ZSCAN18: variants seen among roughly 807,000 people sequenced by gnomAD.
ZSCAN18 encodes the protein zinc finger and SCAN domain containing 18, also known as zinc finger and SCAN domain-containing protein 18.
A neutral mutation model predicts 31.1 loss-of-function variants in ZSCAN18; 16 were observed. The ratio of observed to expected loss-of-function variants is 0.51; its 90% confidence interval spans 0.35 to 0.78. ZSCAN18 has a LOEUF of 0.78. ZSCAN18 is among the 30% of genes least tolerant of loss of function. The pLI is 0.01. For missense variants in ZSCAN18, 731 were observed against 697.4 expected, an observed-to-expected ratio of 1.05 and a Z score of -0.54; for synonymous variants, 375 against 320.7, an observed-to-expected ratio of 1.17 and a Z score of -1.81.
chr19:58,093,825 G>A (rs1445137419), intron 1 of ZSCAN18, among the ~76,000 whole-genome samples: 1 of 152,002 alleles, frequency 6.6e-6, no homozygotes, highest in Non-Finnish European at 1.5e-5. Flanking sequence ...GAGTGCTGTG[G>A]CACAATGTCA....
chr19:58,109,068 G>A, intron 1 of ZSCAN18: 1 of 1,225,778 alleles, frequency 8.2e-7, no homozygotes, highest in Non-Finnish European at 1.0e-6. Flanking sequence ...CAATGGTCAT[G>A]GTGACCACAG....
chr19:58,115,502 T>C (rs1255975331), intron 1 of ZSCAN18, among the ~76,000 whole-genome samples: 3 of 152,198 alleles, frequency 2.0e-5, no homozygotes. Context: ...CAGAGAATCA[T>C]TTTGAAACAG....
At chr19:58,091,734 T>G (rs2074414888) in intron 1 of ZSCAN18, among the ~76,000 whole-genome samples, 1 of 152,150 alleles carries the variant, frequency 6.6e-6, no homozygotes, top group African/African-American at 2.4e-5. Context: ...GTCACAGCTG[T>G]CCAGGCCTCC....
chr19:58,085,586 G>GA, intron 6 of ZSCAN18: 1 of 542,892 alleles, frequency 1.8e-6, no homozygotes, highest in Non-Finnish European at 3.2e-6. Flanking sequence ...GTGGGACCTG[G>GA]AGGCCTCCAA....
chr19:58,104,725 TAAAATAAAATAAAATAAAATAA>T (rs150021922), intron 1 of ZSCAN18, among the ~76,000 whole-genome samples: 40,037 of 151,064 alleles, frequency 0.27, 5,847 homozygotes, highest in African/African-American at 0.37. Flanking sequence ...TAAAATAAAA[TAAAATAAAATAAAATAAAATAA>T]AAAAGTCTGA....
rs778994463 is a variant in ZSCAN18 at position 58,090,345 on chromosome 19, C to G, written c.-78G>C. On this transcript the variant is annotated 5_prime_UTR_variant, in exon 2 of 7. Transcript: ENST00000601144. The surrounding 1 kb of genome is among the most constrained non-coding windows in gnomAD (Gnocchi z 4.7). Reference sequence around the variant, plus strand: ...TCCAAAGGAGAGGTGCCAGGGATGACCAGATGCCCAGTGGGCTCAGGTGGT... The same window carrying G: ...TCCAAAGGAGAGGTGCCAGGGATGAGCAGATGCCCAGTGGGCTCAGGTGGT... The G allele has an allele frequency of 6.2e-7, 1 of 1,603,304 alleles. No individual in the cohort carries two copies. Among genetic ancestry groups the G allele is most frequent in the Non-Finnish European group, 8.5e-7 (1 of 1,173,582 alleles).
upstream of ZSCAN18, among the ~76,000 whole-genome samples, chr19:58,098,564 G>A (rs566134606): frequency 1.3e-5 from 2 of 152,298 alleles, no homozygotes; most frequent in East Asian, 3.9e-4. Flanking sequence ...ACAGACGCTC[G>A]GGGGCAGACC....
chr19:58,100,694 T>TCAGGAGTTCAAGACCAGCCTGGC (rs71188076), upstream of ZSCAN18, among the ~76,000 whole-genome samples: 81,983 of 148,030 alleles, frequency 0.55, 24,799 homozygotes, highest in Non-Finnish European at 0.68. Context: ...GATCACGAGG[T>TCAGGAGTTCAAGACCAGCCTGGC]CAACATGGTG....
chr19:58,102,128 C>T (rs952114298), upstream of ZSCAN18, among the ~76,000 whole-genome samples: 3 of 152,018 alleles, frequency 2.0e-5, no homozygotes, highest in South Asian at 2.1e-4. Flanking sequence ...TCCATAAGGA[C>T]GGTGACTTTT....
At chr19:58,087,209 C>A (rs2074298912) in intron 4 of ZSCAN18, 107 bp downstream of exon 4, 30 of 1,264,224 alleles carry the variant, frequency 2.4e-5, no homozygotes, top group Non-Finnish European at 3.2e-5. Context: ...GGCCTCAGCG[C>A]TGTGGACGTT....
intron 3 of ZSCAN18, 96 bp from the exon 4 acceptor site, chr19:58,087,500 C>T (rs773756491): frequency 9.3e-7 from 1 of 1,078,250 alleles, no homozygotes; most frequent in Non-Finnish European, 1.3e-6. Context: ...ACACAGGCCC[C>T]AGTGTGCTTC....
upstream of ZSCAN18, among the ~76,000 whole-genome samples, chr19:58,100,425 A>T (rs975315721): frequency 6.6e-6 from 1 of 152,176 alleles, no homozygotes; most frequent in African/African-American, 2.4e-5. Context: ...ATCGTGGGGC[A>T]GAGAGAGGGT....
In ZSCAN18 at chr19:58,087,642, T is replaced by G. The variant is rs2074310155; in HGVS notation, c.554-238A>C. The stretch of plus-strand genomic sequence containing the variant: ...CCACTGGATTCATGGAAATCTTTTT[T>G]TTTTTTGGTTTGTTTGTTTTTTAAA... On this transcript the variant is annotated intron_variant, in intron 3 of 6. Coordinates refer to ENST00000601144, the MANE Select transcript of ZSCAN18 (RefSeq NM_001145543.2). 1.6e-5 allele frequency: 8 copies of G among 501,810 alleles called. 1 individual carries two copies. In the South Asian group the frequency reaches 2.0e-4, roughly 13 times the overall value. The allele number at this position is 501,810 out of a possible 1,614,324, so 31.1% of individuals were successfully genotyped here.
At chr19:58,086,292 A>C (rs757996753) in intron 5 of ZSCAN18, 26 bp from the exon 6 acceptor site, 1 of 1,607,296 alleles carries the variant, frequency 6.2e-7, no homozygotes, top group Non-Finnish European at 8.5e-7. Context: ...AACCAAAGAA[A>C]TAAAAGGCAT....
At chr19:58,092,137 TG>T (rs986558226) in intron 1 of ZSCAN18, among the ~76,000 whole-genome samples, 13 of 152,304 alleles carry the variant, frequency 8.5e-5, no homozygotes, top group African/African-American at 3.1e-4. Context: ...GGACTGCTAA[TG>T]GGTACAGGAT....
chr19:58,117,232 A>C (rs1345551215), intron 1 of ZSCAN18, among the ~76,000 whole-genome samples: 6 of 152,200 alleles, frequency 3.9e-5, no homozygotes, highest in Non-Finnish European at 7.3e-5. Context: ...GGGAGTCACC[A>C]CTTGGAGAGA....
upstream of ZSCAN18, among the ~76,000 whole-genome samples, chr19:58,100,636 G>A (rs549938576): frequency 2.6e-5 from 4 of 152,118 alleles, no homozygotes; most frequent in South Asian, 6.2e-4. Context: ...AGGGCCAGGC[G>A]CGGTGGCTCA....
At chr19:58,104,703 A>G (rs2074621553) in intron 1 of ZSCAN18, among the ~76,000 whole-genome samples, 2 of 22,826 alleles carry the variant, frequency 8.8e-5, no homozygotes, top group Admixed American at 5.7e-4. Context: ...ACTCCATCTC[A>G]ATAAAATAAA....
At chr19:58,105,774 G>A (rs2146021742) in intron 1 of ZSCAN18, among the ~76,000 whole-genome samples, 1 of 152,260 alleles carries the variant, frequency 6.6e-6, no homozygotes, top group Non-Finnish European at 1.5e-5. Flanking sequence ...GAGCTTAGGA[G>A]TTTAAGACTA....
Sources: gnomAD v4.1 joint callset for allele counts (sites outside exome capture counted in the v4.1 genomes callset) on GRCh38, gnomAD v4.1.1 for gene constraint, Gnocchi (gnomAD v3.1) non-coding constraint, MANE v1.5 for transcripts, NCBI Gene and HGNC (gene_info 2026-07-23, HGNC 2026-07-21) for gene names.